The following FAM83B variants were observed in gnomAD, a reference collection of about 807,000 sequenced individuals.
The protein encoded by FAM83B is scaffolding CK1 anchoring protein B, also known as protein FAM83B.
In FAM83B, 26 loss-of-function variants were observed where a neutral mutation model predicts 38.8. That is an observed-to-expected ratio of 0.67 (90% CI 0.49 to 0.93). The LOEUF (loss-of-function observed/expected upper bound fraction) is 0.93, where lower values mean the gene tolerates loss of function less well. Among genes scored for constraint, FAM83B ranks in the 40% least tolerant of loss-of-function variants. FAM83B has a pLI of 0.00. For missense variants in FAM83B, 1,237 were observed against 1,197.3 expected (o/e 1.03, Z -0.49); for synonymous variants, 419 against 423.1 (o/e 0.99, Z 0.12).
intron 2 of FAM83B, among the ~76,000 whole-genome samples, chr6:54,876,308 T>G: frequency 7.0e-6 from 1 of 142,548 alleles, no homozygotes; most frequent in East Asian, 2.0e-4. Flanking sequence ...TATATATATA[T>G]ATATATATAT....
chr6:54,935,036 T>C (rs1773498724), intron 4 of FAM83B, among the ~76,000 whole-genome samples: 1 of 152,156 alleles, frequency 6.6e-6, no homozygotes, highest in Non-Finnish European at 1.5e-5. Flanking sequence ...TTTAGTATTG[T>C]GTAGGAAAGA....
intron 2 of FAM83B, among the ~76,000 whole-genome samples, chr6:54,897,319 C>T (rs1772560547): frequency 6.6e-6 from 1 of 151,862 alleles, no homozygotes; most frequent in South Asian, 2.1e-4. Context: ...ATATAATCTC[C>T]TTGCTGATAA....
chr6:54,924,681 T>TG (rs959052914), intron 2 of FAM83B, among the ~76,000 whole-genome samples: 1 of 151,974 alleles, frequency 6.6e-6, no homozygotes, highest in African/African-American at 2.4e-5. Context: ...GCTTGATTCT[T>TG]GGTCTTCTTC....
At chr6:54,879,443 G>A (rs774250892) in intron 2 of FAM83B, among the ~76,000 whole-genome samples, 4 of 152,112 alleles carry the variant, frequency 2.6e-5, no homozygotes, top group East Asian at 1.9e-4. Flanking sequence ...CAATTATTTC[G>A]CAATTCCTTT....
chr6:54,897,547 G>A (rs1358477556), intron 2 of FAM83B, among the ~76,000 whole-genome samples: 2 of 152,022 alleles, frequency 1.3e-5, no homozygotes, highest in Non-Finnish European at 2.9e-5. Context: ...CTGGAAAAAA[G>A]CAAAACAACG....
At chr6:54,858,223 A>G (rs1412527217) in intron 1 of FAM83B, among the ~76,000 whole-genome samples, 1 of 152,212 alleles carries the variant, frequency 6.6e-6, no homozygotes, top group Non-Finnish European at 1.5e-5. Context: ...TCTTCTGCAT[A>G]TCTCAGCAAT....
chr6:54,887,306 C>T (rs908448880), intron 2 of FAM83B, among the ~76,000 whole-genome samples: 1 of 152,146 alleles, frequency 6.6e-6, no homozygotes, highest in African/African-American at 2.4e-5. Context: ...GGATGCAAAA[C>T]TCACATCTGT....
chr6:54,855,049 C>A (rs975631593), intron 1 of FAM83B, among the ~76,000 whole-genome samples: 1 of 152,146 alleles, frequency 6.6e-6, no homozygotes, highest in African/African-American at 2.4e-5. Flanking sequence ...CTGTCACTAA[C>A]TTCAGAATTT....
intron 2 of FAM83B, among the ~76,000 whole-genome samples, chr6:54,873,024 T>A (rs1012418382): frequency 1.3e-5 from 2 of 151,470 alleles, no homozygotes; most frequent in Middle Eastern, 3.4e-3. Context: ...ATTTTATTTT[T>A]TTTATTTTTT....
chr6:54,913,995 T>A (rs1408294559), intron 2 of FAM83B, among the ~76,000 whole-genome samples: 1 of 152,144 alleles, frequency 6.6e-6, no homozygotes, highest in African/African-American at 2.4e-5. Flanking sequence ...CCAGTCAGTG[T>A]TGATCTTTTC....
chr6:54,927,420 T>C, intron 3 of FAM83B, 88 bp from the exon 4 acceptor site: 1 of 1,105,458 alleles, frequency 9.0e-7, no homozygotes, highest in Non-Finnish European at 1.2e-6. Context: ...TTTTTTTATA[T>C]TAAGATTCTA....
At chr6:54,926,969 GTGATCCA>G (rs1773303828) in intron 3 of FAM83B, among the ~76,000 whole-genome samples, 1 of 151,950 alleles carries the variant, frequency 6.6e-6, no homozygotes, top group Non-Finnish European at 1.5e-5. Flanking sequence ...TCCTGACCTC[GTGATCCA>G]CCCAAAGTGG....
intron 1 of FAM83B, among the ~76,000 whole-genome samples, chr6:54,847,906 G>A (rs1256695320): frequency 1.3e-5 from 2 of 152,106 alleles, no homozygotes; most frequent in Non-Finnish European, 2.9e-5. Flanking sequence ...AACAGCTTAT[G>A]TCCAAATTCC....
intron 1 of FAM83B, among the ~76,000 whole-genome samples, chr6:54,865,216 A>T (rs189992325): frequency 6.6e-6 from 1 of 152,154 alleles, no homozygotes; most frequent in Non-Finnish European, 1.5e-5. Flanking sequence ...CAGCAGGGCC[A>T]TGCTCTCTTT....
intron 2 of FAM83B, among the ~76,000 whole-genome samples, chr6:54,913,257 T>C (rs1014699586): frequency 1.3e-5 from 2 of 152,074 alleles, no homozygotes; most frequent in Non-Finnish European, 2.9e-5. Context: ...GTGAAACACC[T>C]CACCAATCTT....
chr6:54,940,539 A>G lies in FAM83B; in HGVS notation c.1568A>G (p.Tyr523Cys), dbSNP rs2127591684. ...GSALGDRFEG[Y>C]DNPENLKANA... ...GCTTTAGGTGACCGATTTGAGGGCT[A>G]TGATAATCCTGAGAATTTGAAGGCC... The change falls in exon 5 of 5, where the codon TAT becomes TGT. Residue 523 changes from tyrosine to cysteine, a missense_variant. By Grantham distance (194) the Tyr-to-Cys change is radical (BLOSUM62 -2). Transcript: ENST00000306858. 6.2e-7 allele frequency: 1 copy of G among 1,614,096 alleles called. No individual in the cohort carries two copies. Among genetic ancestry groups the G allele is most frequent in the Non-Finnish European group, 8.5e-7 (1 of 1,180,010 alleles).
chr6:54,928,454 CA>C (rs1773354660), intron 4 of FAM83B, among the ~76,000 whole-genome samples: 1 of 152,142 alleles, frequency 6.6e-6, no homozygotes, highest in Non-Finnish European at 1.5e-5. Flanking sequence ...GGCCTCATAT[CA>C]TTGTTGTGAG....
At chr6:54,884,320 A>G in intron 2 of FAM83B, among the ~76,000 whole-genome samples, 2 of 134,500 alleles carry the variant, frequency 1.5e-5, no homozygotes, top group Non-Finnish European at 1.7e-5. Flanking sequence ...AAAAAAAAAG[A>G]GAAAAATAGA....
chr6:54,878,998 T>G (rs1411323572), intron 2 of FAM83B, among the ~76,000 whole-genome samples: 1 of 152,174 alleles, frequency 6.6e-6, no homozygotes, highest in Non-Finnish European at 1.5e-5. Flanking sequence ...GACTTCAACA[T>G]TTTTTGCCTG....
Sources: allele counts gnomAD v4.1 joint callset (sites outside exome capture counted in the v4.1 genomes callset), GRCh38; gene constraint gnomAD v4.1.1; transcripts MANE v1.5; gene names NCBI Gene and HGNC (gene_info 2026-07-23, HGNC 2026-07-21).